Variants in STK32B observed in about 807,000 individuals in gnomAD.
The protein encoded by STK32B is serine/threonine kinase 32B.
STK32B carries 43 observed loss-of-function variants against 52.6 expected under a neutral mutation model. That is an observed-to-expected ratio of 0.82 (90% CI 0.64 to 1.05). STK32B has a LOEUF of 1.05. STK32B is among the 50% of genes least tolerant of loss of function. STK32B has a pLI of 0.00. For synonymous variants in STK32B, 238 were observed against 204.3 expected, an observed-to-expected ratio of 1.17 and a Z score of -1.41; for missense variants, 621 against 534.6, an observed-to-expected ratio of 1.16 and a Z score of -1.59.
chr4:5,039,859 T>G, the STK32B span, among the ~76,000 whole-genome samples: 2 of 152,224 alleles, frequency 1.3e-5, no homozygotes, highest in Admixed American at 1.3e-4. Flanking sequence ...GCCCAAAATG[T>G]CATGATGCTG....
intron 1 of STK32B, among the ~76,000 whole-genome samples, chr4:5,139,005 G>A (rs533197711): frequency 6.6e-6 from 1 of 152,256 alleles, no homozygotes; most frequent in East Asian, 1.9e-4. Flanking sequence ...GGACAAGCAA[G>A]ATCACTCGGC....
In STK32B at chr4:5,500,395, A is replaced by G. The variant is rs760535880; in HGVS notation, c.*1312A>G. The G allele has an allele frequency of 3.9e-5, 6 of 152,196 alleles. No individual in the cohort carries two copies. The highest frequency in any genetic ancestry group is 5.9e-5 in the Non-Finnish European group (4 of 68,034). The allele number at this position is 152,196 out of a possible 1,614,324, so 9.4% of individuals were successfully genotyped here. A position where few individuals can be genotyped will look rare whatever the true frequency, so the allele number is the denominator to read the frequency against. On this transcript the variant is annotated 3_prime_UTR_variant, in exon 12 of 12. Coordinates refer to ENST00000282908, the MANE Select transcript of STK32B (RefSeq NM_018401.3). ...GGCCTTTTTTGTCAGCATAATCGTC[A>G]TCATTATTTAGATACTTTCTTCCTT...
intron 3 of STK32B, among the ~76,000 whole-genome samples, chr4:5,254,618 C>T (rs943123811): frequency 1.3e-5 from 2 of 151,986 alleles, no homozygotes; most frequent in East Asian, 3.9e-4. Flanking sequence ...TAGTAATTTC[C>T]ACTTCTAATT....
intron 6 of STK32B, among the ~76,000 whole-genome samples, chr4:5,417,837 G>T (rs1712288597): frequency 6.6e-6 from 1 of 152,146 alleles, no homozygotes; most frequent in South Asian, 2.1e-4. Flanking sequence ...CTCAGGTTTG[G>T]CTGGGCTCAC....
rs1717570224 is a variant in STK32B at position 5,467,962 on chromosome 4, G to T, written c.1042-44G>T. On this transcript the variant is annotated intron_variant, in intron 10 of 11. Transcript: ENST00000282908. The surrounding 1 kb of genome is among the most constrained non-coding windows in gnomAD (Gnocchi z 5.8). ...GATGCTCCATTACCGCGCGTCCCCG[G>T]ACCGTGCTTTGTCATTTAGTCACCC... 1.9e-6 allele frequency: 3 copies of T among 1,611,728 alleles called. No individual in the cohort carries two copies. Among genetic ancestry groups the T allele is most frequent in the South Asian group, 1.1e-5 (1 of 91,008 alleles).
rs571657962 is a variant in STK32B at position 5,174,885 on chromosome 4, C to T, written c.260+6435C>T. ...TTGGGGAAGTTCTCCTGGATAATAT[C>T]CTGCAGAGTGTTTTCCAACTTGGTT... On this transcript the variant is annotated intron_variant, in intron 3 of 11. Coordinates refer to ENST00000282908, the MANE Select transcript of STK32B (RefSeq NM_018401.3). 2.6e-5 allele frequency among the ~76,000 whole-genome samples: 4 copies of T among 152,254 alleles called. No homozygotes were observed. In the South Asian group the frequency reaches 8.3e-4, roughly 32 times the overall value.
At chr4:5,205,072 G>A (rs1021211196) in intron 3 of STK32B, among the ~76,000 whole-genome samples, 1 of 152,208 alleles carries the variant, frequency 6.6e-6, no homozygotes, top group Non-Finnish European at 1.5e-5. Context: ...CAAAGAGCAG[G>A]AGGAAGAGCA....
rs79098905 is a variant in STK32B, at chr4:5,346,860, G to T, written c.434+15467G>T. Among the ~76,000 whole-genome samples the T allele has an allele frequency of 7.0e-3, 1,070 of 152,282 alleles. 8 individuals carry two copies. The highest frequency in any genetic ancestry group is 0.025 in the African/African-American group (1,020 of 41,558). On this transcript the variant is annotated intron_variant, in intron 4 of 11. Coordinates refer to ENST00000282908, the MANE Select transcript of STK32B (RefSeq NM_018401.3). ...AATTGACTCACGGTTCTTCATGGCC[G>T]GGTAGGCCTCAGGAAACTTACAATC...
At chr4:5,112,915 C>A (rs1364599668) in intron 1 of STK32B, among the ~76,000 whole-genome samples, 5 of 152,142 alleles carry the variant, frequency 3.3e-5, no homozygotes, top group Non-Finnish European at 7.3e-5. Context: ...TTATTGAATA[C>A]TGACACTGTG....
rs572203968 is a variant in STK32B at position 5,331,510 on chromosome 4, G to A, written c.434+117G>A. Reference sequence around the variant, plus strand: ...CTTGACATGGTTTAAAAGTGGTAGTGCATGAGGGAAAAAAGCAGAACACTT... The same window carrying A: ...CTTGACATGGTTTAAAAGTGGTAGTACATGAGGGAAAAAAGCAGAACACTT... On this transcript the variant is annotated intron_variant, in intron 4 of 11. Transcript: ENST00000282908. The A allele has an allele frequency of 3.2e-5, 35 of 1,101,156 alleles. No homozygotes were observed. In the African/African-American group the frequency reaches 4.1e-4, roughly 13 times the overall value. The allele number at this position is 1,101,156 out of a possible 1,614,324, so 68.2% of individuals were successfully genotyped here.
At chr4:5,426,721 G>GGAA (rs1713142813) in intron 6 of STK32B, among the ~76,000 whole-genome samples, 1 of 115,730 alleles carries the variant, frequency 8.6e-6, no homozygotes, top group Non-Finnish European at 1.8e-5. Flanking sequence ...AAAAGGAAAA[G>GGAA]AAAAAAACAC....
chr4:5,026,710 C>A, the STK32B span, among the ~76,000 whole-genome samples: 1 of 152,208 alleles, frequency 6.6e-6, no homozygotes, highest in Non-Finnish European at 1.5e-5. Flanking sequence ...CCTCTTGTGA[C>A]ATGGCTGGAA....
chr4:5,090,370 C>CTTTTTTTTTTTTTT (rs754643704), intron 1 of STK32B, among the ~76,000 whole-genome samples: 1 of 56,544 alleles, frequency 1.8e-5, no homozygotes, highest in Non-Finnish European at 3.6e-5. Flanking sequence ...TTTAATCCAT[C>CTTTTTTTTTTTTTT]TTTTTTTTTT....
In STK32B at chr4:5,469,169, TTG is replaced by T. The variant is rs1474888079; in HGVS notation, c.1106+1100_1106+1101del. Among the ~76,000 whole-genome samples, 1 of 151,924 alleles carries T rather than the reference TTG, an allele frequency of 6.6e-6. No homozygotes were observed. Among genetic ancestry groups the T allele is most frequent in the Non-Finnish European group, 1.5e-5 (1 of 68,002 alleles). Reference sequence around the variant, plus strand: ...GACCCACACTAAGCCAAGCTTTGGGTTGGTGGAGGCAAATCAGAGATGCTTCC... The same window carrying T: ...GACCCACACTAAGCCAAGCTTTGGGTGTGGAGGCAAATCAGAGATGCTTCC... On this transcript the variant is annotated intron_variant, in intron 11 of 11. Transcript: ENST00000282908. The surrounding 1 kb of genome is among the most constrained non-coding windows in gnomAD (Gnocchi z 4.7).
At chr4:5,264,061 G>A (rs1306728309) in intron 3 of STK32B, among the ~76,000 whole-genome samples, 2 of 152,116 alleles carry the variant, frequency 1.3e-5, no homozygotes, top group East Asian at 1.9e-4. Context: ...TTCATTCTTC[G>A]ATAGATACAC....
rs1020892164 is a variant in STK32B, at chr4:5,317,543, A to G, written c.261-13677A>G. On this transcript the variant is annotated intron_variant, in intron 3 of 11. Coordinates refer to ENST00000282908, the MANE Select transcript of STK32B (RefSeq NM_018401.3). ...TTTATTATATATATATTACATGTAT[A>G]TATATATATATATATAACTTGAAAA... Among the ~76,000 whole-genome samples the G allele has an allele frequency of 6.7e-4, 81 of 120,096 alleles. 13 individuals carry two copies. The highest frequency in any genetic ancestry group is 2.7e-3 in the African/African-American group (76 of 27,904). 78.8% of individuals were successfully genotyped at this position (120,096 alleles called of 152,430 possible).
intron 11 of STK32B, among the ~76,000 whole-genome samples, chr4:5,495,711 C>G (rs572828719): frequency 8.5e-5 from 13 of 152,232 alleles, no homozygotes; most frequent in Non-Finnish European, 4.4e-5. Context: ...GTGGTTTTAT[C>G]TACTTTTGGT....
At chr4:5,227,129 A>C (rs1723927551) in intron 3 of STK32B, among the ~76,000 whole-genome samples, 1 of 152,236 alleles carries the variant, frequency 6.6e-6, no homozygotes, top group Non-Finnish European at 1.5e-5. Context: ...ATAGTTGAAG[A>C]AGTGAGAAAT....
chr4:5,471,187 G>A (rs2109175922), intron 11 of STK32B, among the ~76,000 whole-genome samples: 1 of 152,306 alleles, frequency 6.6e-6, no homozygotes, highest in East Asian at 1.9e-4. Context: ...CCTGCTGCAG[G>A]TTGCATGGTG....
Sources: allele counts gnomAD v4.1 joint callset (sites outside exome capture counted in the v4.1 genomes callset), GRCh38; gene constraint gnomAD v4.1.1; non-coding constraint Gnocchi (gnomAD v3.1); transcripts MANE v1.5; gene names NCBI Gene and HGNC (gene_info 2026-07-23, HGNC 2026-07-21).